The following STXBP5L variants were observed in gnomAD, a reference collection of about 807,000 sequenced individuals.
The protein encoded by STXBP5L is syntaxin-binding protein 5-like.
In STXBP5L, 65 loss-of-function variants were observed where a neutral mutation model predicts 144.5. The ratio of observed to expected loss-of-function variants is 0.45; its 90% CI spans 0.37 to 0.55. STXBP5L has a LOEUF of 0.55. Among genes scored for constraint, STXBP5L ranks in the 20% least tolerant of loss-of-function variants. STXBP5L has a pLI of 0.00. For synonymous variants in STXBP5L, 505 were observed against 469.6 expected (o/e 1.08, Z -0.97); for missense variants, 1,298 against 1,405.5 (o/e 0.92, Z 1.22).
intron 5 of STXBP5L, among the ~76,000 whole-genome samples, chr3:121,113,740 C>G (rs1332431640): frequency 7.2e-6 from 1 of 139,382 alleles, no homozygotes; most frequent in East Asian, 2.1e-4. Flanking sequence ...GTGGCACAGT[C>G]TCGGCTCATG....
intron 3 of STXBP5L, among the ~76,000 whole-genome samples, chr3:120,992,664 A>T (rs971004601): frequency 6.6e-6 from 1 of 152,056 alleles, no homozygotes; most frequent in African/African-American, 2.4e-5. Context: ...AATAGATTTC[A>T]TTTTGTATAT....
chr3:121,075,551 T>C (rs2041983573), intron 5 of STXBP5L, among the ~76,000 whole-genome samples: 1 of 152,178 alleles, frequency 6.6e-6, no homozygotes, highest in Non-Finnish European at 1.5e-5. Flanking sequence ...CTTTATGTCT[T>C]CTTGCACCTG....
intron 5 of STXBP5L, among the ~76,000 whole-genome samples, chr3:121,076,899 A>C (rs556629134): frequency 6.6e-6 from 1 of 151,982 alleles, no homozygotes; most frequent in African/African-American, 2.4e-5. Flanking sequence ...TTTTGATACT[A>C]CTTAGCCCGG....
intron 5 of STXBP5L, among the ~76,000 whole-genome samples, chr3:121,076,059 A>T (rs529625653): frequency 6.6e-6 from 1 of 152,154 alleles, no homozygotes; most frequent in Non-Finnish European, 1.5e-5. Context: ...AATTTAAGAG[A>T]TCAGTAGTAG....
intron 19 of STXBP5L, among the ~76,000 whole-genome samples, chr3:121,283,946 G>C (rs992731081): frequency 6.6e-6 from 1 of 150,884 alleles, no homozygotes; most frequent in Non-Finnish European, 1.5e-5. Flanking sequence ...AAAGTTTCTG[G>C]AACATGGCTT....
At position 121,057,820 on chromosome 3, in the gene STXBP5L, T is replaced by A. The variant is rs560438246; in HGVS notation, c.470+12285T>A. On this transcript the variant is annotated intron_variant, in intron 5 of 26. Coordinates refer to ENST00000471454, the MANE Select transcript of STXBP5L (RefSeq NM_001308330.2). The stretch of plus-strand genomic sequence containing the variant: ...AATTTGGTATAATAATAAAAATTTT[T>A]AAATTCTTTTTATATCTCTTTTTTC... Among the ~76,000 whole-genome samples, 10 of 152,180 alleles carry A rather than the reference T, an allele frequency of 6.6e-5. No individual in the cohort carries two copies. In the East Asian group the frequency reaches 7.7e-4, roughly 12 times the overall value.
chr3:121,094,513 T>A (rs1005567982), intron 5 of STXBP5L, among the ~76,000 whole-genome samples: 1 of 152,104 alleles, frequency 6.6e-6, no homozygotes, highest in Non-Finnish European at 1.5e-5. Flanking sequence ...ATTAGTCCCT[T>A]TACCATTATG....
At chr3:121,195,581 G>A (rs2047889850) in intron 9 of STXBP5L, among the ~76,000 whole-genome samples, 1 of 152,132 alleles carries the variant, frequency 6.6e-6, no homozygotes, top group Admixed American at 6.5e-5. Context: ...CATCCAAGTT[G>A]TCATAAATGT....
At chr3:121,327,640 T>A (rs989181967) in intron 20 of STXBP5L, among the ~76,000 whole-genome samples, 15 of 152,344 alleles carry the variant, frequency 9.8e-5, no homozygotes, top group African/African-American at 2.9e-4. Flanking sequence ...ATGTATTTTG[T>A]TTCTTTTTTT....
intron 20 of STXBP5L, among the ~76,000 whole-genome samples, chr3:121,349,593 A>C (rs1250520365): frequency 6.6e-6 from 1 of 151,998 alleles, no homozygotes; most frequent in East Asian, 1.9e-4. Context: ...TGGGAGTCTA[A>C]GTCTCTTTGT....
intron 3 of STXBP5L, among the ~76,000 whole-genome samples, chr3:121,015,097 A>G (rs143423745): frequency 6.6e-6 from 1 of 152,100 alleles, no homozygotes; most frequent in African/African-American, 2.4e-5. Flanking sequence ...AAATTGCTAG[A>G]GATTCAATCC....
At chr3:121,309,427 A>T (rs1311978982) in intron 19 of STXBP5L, among the ~76,000 whole-genome samples, 1 of 152,150 alleles carries the variant, frequency 6.6e-6, no homozygotes, top group Admixed American at 6.5e-5. Context: ...TAATGATAAA[A>T]GTGTCAATCA....
chr3:121,396,767 G>T (rs1196728968), intron 22 of STXBP5L, among the ~76,000 whole-genome samples: 1 of 152,228 alleles, frequency 6.6e-6, no homozygotes, highest in Non-Finnish European at 1.5e-5. Flanking sequence ...GCAACTAGGT[G>T]ATCAGCCATT....
intron 9 of STXBP5L, among the ~76,000 whole-genome samples, chr3:121,191,640 A>G (rs1298046965): frequency 6.6e-6 from 1 of 152,098 alleles, no homozygotes; most frequent in Non-Finnish European, 1.5e-5. Flanking sequence ...TTTTCACAAT[A>G]TTGATTCTTC....
chr3:121,264,805 C>CAAA (rs60150188), intron 18 of STXBP5L, among the ~76,000 whole-genome samples: 66 of 114,398 alleles, frequency 5.8e-4, no homozygotes, highest in Non-Finnish European at 1.0e-3. Flanking sequence ...ATGGAAAGCA[C>CAAA]AAAAAAAAAA....
intron 3 of STXBP5L, among the ~76,000 whole-genome samples, chr3:121,016,166 C>T (rs1945135133): frequency 6.6e-6 from 1 of 152,118 alleles, no homozygotes; most frequent in South Asian, 2.1e-4. Context: ...TCCTATTAAT[C>T]AATACAAACG....
At chr3:121,230,544 C>T (rs988848182) in intron 11 of STXBP5L, among the ~76,000 whole-genome samples, 4 of 151,732 alleles carry the variant, frequency 2.6e-5, no homozygotes, top group African/African-American at 9.7e-5. Context: ...CCCATCAAAT[C>T]AACAATCTTA....
intron 7 of STXBP5L, among the ~76,000 whole-genome samples, chr3:121,133,270 C>A (rs1175073993): frequency 6.6e-6 from 1 of 151,926 alleles, no homozygotes; most frequent in African/African-American, 2.4e-5. Flanking sequence ...ATATCCAAAC[C>A]CAGGAAGCCC....
chr3:121,194,779 G>A (rs933576074), intron 9 of STXBP5L, among the ~76,000 whole-genome samples: 42 of 151,954 alleles, frequency 2.8e-4, no homozygotes, highest in Admixed American at 2.4e-3. Flanking sequence ...TCTAAAGTCA[G>A]TTTTGATAGT....
Sources: allele counts gnomAD v4.1 joint callset (sites outside exome capture counted in the v4.1 genomes callset), GRCh38; gene constraint gnomAD v4.1.1; transcripts MANE v1.5; gene names NCBI Gene and HGNC (gene_info 2026-07-23, HGNC 2026-07-21).